ZNF654: variants seen among roughly 807,000 people sequenced by gnomAD.
The protein encoded by ZNF654 is zinc finger protein 654.
ZNF654 carries 19 observed loss-of-function variants against 95.3 expected under a neutral mutation model. The observed-to-expected ratio is 0.20, with a 90% CI of 0.14 to 0.29. ZNF654 has a LOEUF of 0.29. Among genes scored for constraint, ZNF654 ranks in the 10% least tolerant of loss-of-function variants. The pLI is 1.00. For synonymous variants in ZNF654, 413 were observed against 457.9 expected, an observed-to-expected ratio of 0.90 and a Z score of 1.25; for missense variants, 1,046 against 1,341.0, an observed-to-expected ratio of 0.78 and a Z score of 3.44.
At chr3:88,070,563 GTTTTTTTTT>G (rs67079285) in intron 1 of ZNF654, among the ~76,000 whole-genome samples, 25 of 111,306 alleles carry the variant, frequency 2.2e-4, no homozygotes, top group African/African-American at 7.1e-4. Flanking sequence ...AACACTGCCT[GTTTTTTTTT>G]TTTTTTTTTT....
At chr3:88,111,102 G>A (rs1001648594) in intron 2 of ZNF654, among the ~76,000 whole-genome samples, 2 of 151,974 alleles carry the variant, frequency 1.3e-5, no homozygotes, top group African/African-American at 2.4e-5. Flanking sequence ...TGGATTTTGA[G>A]TAAGTATGGA....
At chr3:88,080,899 T>G (rs1275693570) in intron 1 of ZNF654, among the ~76,000 whole-genome samples, 1 of 152,214 alleles carries the variant, frequency 6.6e-6, no homozygotes, top group African/African-American at 2.4e-5. Flanking sequence ...GAAAGTAACA[T>G]TGGTACAATA....
chr3:88,074,894 A>G (rs893389905), intron 1 of ZNF654, among the ~76,000 whole-genome samples: 7 of 152,150 alleles, frequency 4.6e-5, no homozygotes, highest in African/African-American at 1.4e-4. Context: ...AGTTGTGCCA[A>G]CTGCCAGTGT....
Position 88,129,817 on chromosome 3 carries a change from A to T in ZNF654, c.884A>T (p.Tyr295Phe). The part of the protein sequence containing the change: ...LIPQLQNGDM[Y>F]CIWELIFIWS... Reference sequence around the variant, plus strand: ...CCACAGCTCCAGAATGGGGATATGTACTGTATCTGGTAAGTGTTTGTAAAT... The same window carrying T: ...CCACAGCTCCAGAATGGGGATATGTTCTGTATCTGGTAAGTGTTTGTAAAT... Residue 295 changes from tyrosine (Y) to phenylalanine (F), a missense_variant, in exon 6 of 9, where the codon TAC (tyrosine) becomes TTC (phenylalanine). Physicochemically the swap from Tyr to Phe is conservative, Grantham distance 22. Transcript: ENST00000636215. The T allele has an allele frequency of 6.7e-7, 1 of 1,489,370 alleles. No individual in the cohort carries two copies. Among genetic ancestry groups the T allele is most frequent in the Non-Finnish European group, 8.9e-7 (1 of 1,118,322 alleles). 92.3% of individuals were successfully genotyped at this position (1,489,370 alleles called of 1,614,324 possible).
chr3:88,137,926 A>G (rs1054416863), intron 7 of ZNF654, among the ~76,000 whole-genome samples: 2 of 152,138 alleles, frequency 1.3e-5, no homozygotes, highest in African/African-American at 4.8e-5. Flanking sequence ...TAAAGACATT[A>G]TTATGGTGTC....
At position 88,082,328 on chromosome 3, in the gene ZNF654, T is replaced by C. The variant is rs572519296; in HGVS notation, c.187-3929T>C. On this transcript the variant is annotated intron_variant, in intron 1 of 8. Transcript: ENST00000636215. ...TTTTAGTAGTGACAGGGTTTCACCA[T>C]GTTGGCTAGGATGGTCTCGATCTCT... Among the ~76,000 whole-genome samples, 7 of 152,306 alleles carry C rather than the reference T, an allele frequency of 4.6e-5. No homozygotes were observed. The South Asian group carries it at 1.2e-3, about 27-fold the overall frequency.
At chr3:88,105,413 C>A (rs1156800676) in intron 2 of ZNF654, among the ~76,000 whole-genome samples, 1 of 152,142 alleles carries the variant, frequency 6.6e-6, no homozygotes, top group Non-Finnish European at 1.5e-5. Flanking sequence ...GTAGCATAGT[C>A]AGTCAATTTG....
chr3:88,125,114 C>A (rs1488025324), intron 3 of ZNF654, among the ~76,000 whole-genome samples: 1 of 151,536 alleles, frequency 6.6e-6, no homozygotes, highest in East Asian at 1.9e-4. Context: ...ACTTGGGAGG[C>A]TGAGGCAGGA....
In ZNF654 at chr3:88,139,879, T is replaced by A. The variant is rs1349867700; in HGVS notation, c.2210T>A (p.Ile737Lys). ...INGTVCHPKDIYATDQEGNFK... is the reference protein window; with the variant it reads ...INGTVCHPKDKYATDQEGNFK... Reference sequence around the variant, plus strand: ...GGAACTGTGTGCCATCCAAAAGACATATATGCCACAGATCAAGAAGGAAAC... The same window carrying A: ...GGAACTGTGTGCCATCCAAAAGACAAATATGCCACAGATCAAGAAGGAAAC... The change falls in exon 8 of 9, where the codon ATA becomes AAA. Residue 737 changes from isoleucine to lysine, a missense_variant. Physicochemically the swap from Ile to Lys is moderately radical, Grantham distance 102. Coordinates refer to ENST00000636215, the MANE Select transcript of ZNF654 (RefSeq NM_001350134.2). The A allele has an allele frequency of 2.8e-5, 45 of 1,610,534 alleles. No individual in the cohort carries two copies. Among genetic ancestry groups the A allele is most frequent in the Non-Finnish European group, 3.8e-5 (45 of 1,178,268 alleles).
At chr3:88,101,908 T>C (rs1019577720) in intron 2 of ZNF654, among the ~76,000 whole-genome samples, 15 of 152,202 alleles carry the variant, frequency 9.9e-5, no homozygotes, top group Non-Finnish European at 1.8e-4. Context: ...CTCAGTCCTG[T>C]CGTTGGTAAG....
At chr3:88,087,502 G>A (rs1708398661) in intron 2 of ZNF654, among the ~76,000 whole-genome samples, 1 of 152,210 alleles carries the variant, frequency 6.6e-6, no homozygotes, top group South Asian at 2.1e-4. Flanking sequence ...GTAAAAGAGA[G>A]AAGAGAATGA....
chr3:88,130,429 C>G lies in ZNF654; in HGVS notation c.893+603C>G, dbSNP rs1319382146. 4.6e-5 allele frequency among the ~76,000 whole-genome samples: 7 copies of G among 151,964 alleles called. No individual in the cohort carries two copies. In the South Asian group the frequency reaches 8.3e-4, roughly 18 times the overall value. On this transcript the variant is annotated intron_variant, in intron 6 of 8. Coordinates refer to ENST00000636215, the MANE Select transcript of ZNF654 (RefSeq NM_001350134.2). ...CATATAGCTGCAAATCATAATACTT[C>G]AATATTCTTGGTTATTTTTTGTTTT...
At chr3:88,094,785 CTTT>C (rs570985392) in intron 2 of ZNF654, among the ~76,000 whole-genome samples, 15 of 151,912 alleles carry the variant, frequency 9.9e-5, no homozygotes, top group Admixed American at 9.8e-4. Context: ...CAGAGCTGAA[CTTT>C]TTTTTCTTTT....
chr3:88,100,005 A>G (rs1704312376), intron 2 of ZNF654, among the ~76,000 whole-genome samples: 1 of 152,250 alleles, frequency 6.6e-6, no homozygotes, highest in African/African-American at 2.4e-5. Context: ...GCTTCTGCAC[A>G]GCAAAAGAAA....
At chr3:88,130,669 C>A (rs1292489615) in intron 6 of ZNF654, among the ~76,000 whole-genome samples, 2 of 146,194 alleles carry the variant, frequency 1.4e-5, no homozygotes, top group African/African-American at 2.5e-5. Context: ...TTGCCCAGGC[C>A]GGTTTGGAAC....
chr3:88,135,074 A>G lies in ZNF654; in HGVS notation c.907A>G (p.Ile303Val), dbSNP rs77487622. 6,617 of 1,432,892 alleles carry G rather than the reference A, an allele frequency of 4.6e-3. 29 individuals carry two copies. The highest frequency in any genetic ancestry group is 5.5e-3 in the Non-Finnish European group (6,004 of 1,100,920). 88.8% of individuals were successfully genotyped at this position (1,432,892 alleles called of 1,614,324 possible). A position where few individuals can be genotyped will look rare whatever the true frequency, so the allele number is the denominator to read the frequency against. Residue 303 changes from isoleucine to valine, a missense_variant, in exon 7 of 9, where the codon ATA (isoleucine) becomes GTA (valine). Ile to Val is a conservative substitution (Grantham distance 29). Transcript: ENST00000636215. ...DMYCIWELIF[I>V]WSKLQLKSNP... ...TCTCATTTACAGGGAGTTGATTTTCATATGGAGTAAACTACAGCTTAAATC... is the reference window on the plus strand; with the variant it reads ...TCTCATTTACAGGGAGTTGATTTTCGTATGGAGTAAACTACAGCTTAAATC...
chr3:88,140,497 A>G lies in ZNF654; in HGVS notation c.2828A>G (p.Asn943Ser). ...KKTDSLVQNG[N>S]ERSDDTVSNI... ...ACAGACAGTTTAGTTCAGAATGGAAACGAACGTTCTGATGACACTGTTTCA... is the reference window on the plus strand; with the variant it reads ...ACAGACAGTTTAGTTCAGAATGGAAGCGAACGTTCTGATGACACTGTTTCA... Residue 943 changes from asparagine (N) to serine (S), a missense_variant, in exon 8 of 9, where the codon AAC becomes AGC. This residue lies in a region of ZNF654 where 495 missense variants were observed against 537.0 expected (regional missense o/e 0.92). Transcript: ENST00000636215. 1 of 1,613,788 alleles carries G rather than the reference A, an allele frequency of 6.2e-7. No individual in the cohort carries two copies. Among genetic ancestry groups the G allele is most frequent in the South Asian group, 1.1e-5 (1 of 91,080 alleles).
At position 88,140,287 on chromosome 3, in the gene ZNF654, C is replaced by T. The variant is rs1224422389; in HGVS notation, c.2618C>T (p.Thr873Ile). ...GAAGCTCAACACTATTTAAGTAAAA[C>T]ACCAGAGTCATCTGCACAACCAAGT... Reference protein sequence around the residue: ...EHEAQHYLSKTPESSAQPSET... With the variant: ...EHEAQHYLSKIPESSAQPSET... Residue 873 changes from threonine (T) to isoleucine (I), a missense_variant, in exon 8 of 9, where the codon ACA becomes ATA. Thr to Ile is a moderately conservative substitution (Grantham distance 89). Around this residue, in one of 9 missense-constraint regions of ZNF654, gnomAD observed 495 missense variants for 537.0 expected, o/e 0.92. Coordinates refer to ENST00000636215, the MANE Select transcript of ZNF654 (RefSeq NM_001350134.2). The T allele has an allele frequency of 6.2e-7, 1 of 1,613,730 alleles. No individual in the cohort carries two copies. Among genetic ancestry groups the T allele is most frequent in the Admixed American group, 1.7e-5 (1 of 59,956 alleles).
chr3:88,120,414 C>G (rs1559723614), intron 3 of ZNF654, among the ~76,000 whole-genome samples: 2 of 152,108 alleles, frequency 1.3e-5, no homozygotes, highest in Non-Finnish European at 2.9e-5. Flanking sequence ...TAAAGACTGC[C>G]TTATTAGGAA....
Sources: gnomAD v4.1 joint callset for allele counts (sites outside exome capture counted in the v4.1 genomes callset) on GRCh38, gnomAD v4.1.1 for gene constraint, gnomAD v4.1.1 regional missense constraint, MANE v1.5 for transcripts, NCBI Gene and HGNC (gene_info 2026-07-23, HGNC 2026-07-21) for gene names.